Variants in CCDC3 observed in about 807,000 individuals in gnomAD.
The protein encoded by CCDC3 is coiled-coil domain containing 3.
In CCDC3, 24 loss-of-function variants were observed where a neutral mutation model predicts 21.4. That is an observed-to-expected ratio of 1.12 (90% CI 0.81 to 1.58). CCDC3 has a LOEUF of 1.58. Ranked by LOEUF, CCDC3 falls within the 40% of genes most tolerant of loss-of-function variation. The pLI, the probability that CCDC3 is intolerant of heterozygous loss-of-function variation, is 0.00. For missense variants in CCDC3, 425 were observed against 360.9 expected (o/e 1.18, Z -1.44); for synonymous variants, 186 against 166.0 (o/e 1.12, Z -0.93).
chr10:12,932,034 G>T (rs1834654550), intron 2 of CCDC3, among the ~76,000 whole-genome samples: 1 of 152,162 alleles, frequency 6.6e-6, no homozygotes, highest in South Asian at 2.1e-4. Context: ...TGGATGTCCT[G>T]ACACTATTGA....
At chr10:13,013,404 A>T (rs10906280) in intron 5 of CCDC3, among the ~76,000 whole-genome samples, 38,654 of 152,172 alleles carry the variant, frequency 0.25, 6,081 homozygotes, top group Non-Finnish European at 0.35. Flanking sequence ...AGGGGCTCCC[A>T]GTGATGTGTT....
intron 2 of CCDC3, among the ~76,000 whole-genome samples, chr10:12,973,071 C>A (rs1056481476): frequency 2.6e-5 from 4 of 152,198 alleles, no homozygotes; most frequent in African/African-American, 9.6e-5. Flanking sequence ...GACAATGTGG[C>A]AGCTACCATT....
At chr10:12,969,881 A>C (rs2131263723) in intron 2 of CCDC3, among the ~76,000 whole-genome samples, 1 of 152,142 alleles carries the variant, frequency 6.6e-6, no homozygotes, top group South Asian at 2.1e-4. Flanking sequence ...ATGTGACCTC[A>C]GTTATATGTG....
At chr10:13,068,471 G>C (rs74119405) in intron 4 of CCDC3, among the ~76,000 whole-genome samples, 2 of 152,072 alleles carry the variant, frequency 1.3e-5, no homozygotes, top group African/African-American at 4.8e-5. Flanking sequence ...TTTAATCCTC[G>C]AGGAATAAAA....
At chr10:13,073,467 G>A (rs1048718779) in intron 4 of CCDC3, among the ~76,000 whole-genome samples, 2 of 152,040 alleles carry the variant, frequency 1.3e-5, no homozygotes, top group African/African-American at 4.8e-5. Flanking sequence ...TGGAGCAGGA[G>A]TAACCACATC....
At chr10:12,902,066 C>A (rs1242055625) in intron 2 of CCDC3, among the ~76,000 whole-genome samples, 1 of 152,210 alleles carries the variant, frequency 6.6e-6, no homozygotes, top group African/African-American at 2.4e-5. Flanking sequence ...ACGCCAAGTA[C>A]CTGGTGGCAC....
chr10:13,023,347 G>C (rs1836172753), intron 5 of CCDC3, among the ~76,000 whole-genome samples: 1 of 152,072 alleles, frequency 6.6e-6, no homozygotes, highest in Non-Finnish European at 1.5e-5. Flanking sequence ...ATGACAAGAA[G>C]GTCCAAAATG....
chr10:13,058,039 C>G (rs1836705003), intron 4 of CCDC3: 28 of 742,086 alleles, frequency 3.8e-5, no homozygotes, highest in South Asian at 3.7e-4. Flanking sequence ...CTTCATCTTC[C>G]TCCATTAAGT....
chr10:13,007,314 AGCTC>A, intron 5 of CCDC3, among the ~76,000 whole-genome samples: 1 of 152,282 alleles, frequency 6.6e-6, no homozygotes, highest in South Asian at 2.1e-4. Flanking sequence ...GTTTCAGGGA[AGCTC>A]TGGCATCTCA....
Position 13,045,781 on chromosome 10 carries a change from C to T in CCDC3, c.-2+3893G>A, listed in dbSNP as rs952532378. Among the ~76,000 whole-genome samples, 4 of 152,048 alleles carry T rather than the reference C, an allele frequency of 2.6e-5. No homozygotes were observed. The South Asian group carries it at 6.2e-4, about 24-fold the overall frequency. On this transcript the variant is annotated intron_variant, in intron 5 of 6. Coordinates refer to the CCDC3 transcript ENST00000378839. ...TACTGCTACCGTAAGCACTATAAAA[C>T]TTTTTTCATGTAAAGAAGTATATAA... is the stretch of plus-strand genomic sequence containing the variant.
chr10:13,092,914 A>G (rs1832588529), intron 3 of CCDC3, among the ~76,000 whole-genome samples: 2 of 152,202 alleles, frequency 1.3e-5, no homozygotes, highest in African/African-American at 4.8e-5. Context: ...GAAAAGGGTC[A>G]AGGCAACCTG....
intron 5 of CCDC3, among the ~76,000 whole-genome samples, chr10:13,030,713 G>T (rs2131411058): frequency 6.6e-6 from 1 of 152,144 alleles, no homozygotes; most frequent in Middle Eastern, 3.4e-3. Context: ...TGATAAAAGA[G>T]ACTTTAAACC....
intron 2 of CCDC3, among the ~76,000 whole-genome samples, chr10:12,963,889 CCA>C (rs1193886756): frequency 6.6e-6 from 1 of 152,102 alleles, no homozygotes; most frequent in Non-Finnish European, 1.5e-5. Flanking sequence ...GGCCTGAACT[CCA>C]GTTTTCTTAA....
rs542154577 is a variant in CCDC3, at chr10:12,985,264, A to T, written c.549+13074T>A. On this transcript the variant is annotated intron_variant, in intron 2 of 2. Transcript: ENST00000378825. Reference sequence around the variant, plus strand: ...CCTATCAAAACAGCTAGAATAAGAAATAGTAATTACACCGAATGCTGGCAA... The same window carrying T: ...CCTATCAAAACAGCTAGAATAAGAATTAGTAATTACACCGAATGCTGGCAA... Among the ~76,000 whole-genome samples, 258 of 152,384 alleles carry T rather than the reference A, an allele frequency of 1.7e-3. 1 individual carries two copies. The highest frequency in any genetic ancestry group is 5.7e-3 in the African/African-American group (237 of 41,592).
rs1237363375 is a variant in CCDC3, at chr10:13,001,327, G to A, written c.244C>T (p.Leu82=). Residue 82 remains leucine (L), a synonymous_variant, in exon 1 of 3, where the codon CTG becomes TTG. Coordinates refer to ENST00000378825, the MANE Select transcript of CCDC3 (RefSeq NM_031455.4). ...ATGCTGCCCCACGCCTGGTCGCACA[G>A]CATCTCGACCTCGGCCGAGTAGAAG... ...GLFYSAEVEM[L]CDQAWGSMLE... The A allele has an allele frequency of 4.4e-6, 7 of 1,605,766 alleles. No individual in the cohort carries two copies. The highest frequency in any genetic ancestry group is 5.9e-6 in the Non-Finnish European group (7 of 1,177,396).
chr10:12,915,086 T>C (rs1021272849), intron 2 of CCDC3, among the ~76,000 whole-genome samples: 2 of 152,358 alleles, frequency 1.3e-5, no homozygotes, highest in East Asian at 1.9e-4. Flanking sequence ...TTTTTTTCTT[T>C]GACCCATTGG....
At chr10:12,966,444 C>A (rs1420286274) in intron 2 of CCDC3, among the ~76,000 whole-genome samples, 2 of 152,168 alleles carry the variant, frequency 1.3e-5, no homozygotes, top group East Asian at 3.9e-4. Context: ...GACCCTCACA[C>A]CCCTCCGGGA....
At chr10:12,914,427 TCTTTC>T (rs1030322048) in intron 2 of CCDC3, among the ~76,000 whole-genome samples, 2 of 152,112 alleles carry the variant, frequency 1.3e-5, no homozygotes, top group African/African-American at 2.4e-5. Context: ...TAATTTCTCC[TCTTTC>T]ATTTCTGATT....
At chr10:13,097,302 C>T (rs1171581612) in intron 3 of CCDC3, among the ~76,000 whole-genome samples, 1 of 152,128 alleles carries the variant, frequency 6.6e-6, no homozygotes, top group Admixed American at 6.5e-5. Flanking sequence ...GAAACAGAAC[C>T]GGCTCTAACA....
Sources: allele counts gnomAD v4.1 joint callset (sites outside exome capture counted in the v4.1 genomes callset), GRCh38; gene constraint gnomAD v4.1.1; transcripts MANE v1.5; gene names NCBI Gene and HGNC (gene_info 2026-07-23, HGNC 2026-07-21).